ZNF410: variants seen among roughly 807,000 people sequenced by gnomAD.
ZNF410 encodes the protein zinc finger protein 410, also known as another partner for ARF 1.
Under a neutral mutation model 54.8 loss-of-function variants are expected in ZNF410, and 18 were observed. The observed-to-expected ratio is 0.33, with a 90% CI of 0.23 to 0.49. The LOEUF (loss-of-function observed/expected upper bound fraction) is 0.49. Among genes scored for constraint, ZNF410 ranks in the 20% least tolerant of loss-of-function variants. The pLI is 0.99. For synonymous variants in ZNF410, 191 were observed against 207.3 expected, an observed-to-expected ratio of 0.92 and a Z score of 0.68; for missense variants, 405 against 569.6, an observed-to-expected ratio of 0.71 and a Z score of 2.94.
intron 1 of ZNF410, among the ~76,000 whole-genome samples, chr14:73,889,409 G>T (rs11623234): frequency 7.0e-6 from 1 of 143,122 alleles, no homozygotes; most frequent in Non-Finnish European, 1.5e-5. Context: ...TCCAGCCTGC[G>T]TGACAGAGCG....
At position 73,895,905 on chromosome 14, in the gene ZNF410, A is replaced by C. The variant is rs1566651903; in HGVS notation, c.170-411A>C. On this transcript the variant is annotated intron_variant, in intron 3 of 11. Coordinates refer to ENST00000555044, the MANE Select transcript of ZNF410 (RefSeq NM_021188.3). ...AAAAACTGCAATAGCTTTTGCACCA[A>C]CCTAATACAAAAGTTAAGGAGAGGG... is the stretch of plus-strand genomic sequence containing the variant. Among the ~76,000 whole-genome samples, 4 of 152,252 alleles carry C rather than the reference A, an allele frequency of 2.6e-5. No individual in the cohort carries two copies. In the East Asian group the frequency reaches 7.7e-4, roughly 29 times the overall value.
At chr14:73,894,781 C>T (rs569075169) in intron 3 of ZNF410, among the ~76,000 whole-genome samples, 1 of 152,064 alleles carries the variant, frequency 6.6e-6, no homozygotes, top group East Asian at 1.9e-4. Context: ...AAAGAGAAGG[C>T]GGTAAGATAG....
intron 8 of ZNF410, 66 bp downstream of exon 8, chr14:73,909,496 G>T: frequency 7.3e-7 from 1 of 1,361,034 alleles, no homozygotes. Flanking sequence ...GGGTTGTGGG[G>T]GTGATATAAA....
intron 1 of ZNF410, among the ~76,000 whole-genome samples, chr14:73,889,863 CTCGGCTCACTGCAATCTCCATCTCCTAGG>C (rs2055200341): frequency 6.7e-6 from 1 of 149,746 alleles, no homozygotes; most frequent in Non-Finnish European, 1.5e-5. Flanking sequence ...GTGGAGCGAT[CTCGGCTCACTGCAATCTCCATCTCCTAGG>C]TCCAAGCGAT....
At chr14:73,923,993 C>T (rs2140326878) in intron 11 of ZNF410, among the ~76,000 whole-genome samples, 1 of 152,110 alleles carries the variant, frequency 6.6e-6, no homozygotes, top group Middle Eastern at 3.4e-3. Context: ...GAAAAAGTCC[C>T]TCAGCAAAAA....
At chr14:73,896,602 C>A (rs2302138) in intron 4 of ZNF410, 68 bp downstream of exon 4, 168,579 of 1,189,494 alleles carry the variant, frequency 0.14, 17,623 homozygotes, top group East Asian at 0.51. Context: ...GCATATTTAA[C>A]TTAGTCATAC....
At chr14:73,909,659 C>T (rs1051014891) in intron 8 of ZNF410, 4 of 425,668 alleles carry the variant, frequency 9.4e-6, no homozygotes, top group African/African-American at 6.0e-5. Context: ...ATAAAGCCTT[C>T]TTTTGAAGAG....
At chr14:73,930,087 A>G (rs746493014) in intron 11 of ZNF410, among the ~76,000 whole-genome samples, 2 of 152,148 alleles carry the variant, frequency 1.3e-5, no homozygotes, top group Non-Finnish European at 2.9e-5. Flanking sequence ...AGTTTTGACT[A>G]CCTCTTAGAA....
chr14:73,901,609 A>G (rs942786580), intron 5 of ZNF410, among the ~76,000 whole-genome samples: 3 of 151,806 alleles, frequency 2.0e-5, no homozygotes, highest in Non-Finnish European at 2.9e-5. Context: ...GAAAGCCCCT[A>G]CTATCACTGA....
At chr14:73,900,104 A>AGT in intron 5 of ZNF410, among the ~76,000 whole-genome samples, 1 of 137,226 alleles carries the variant, frequency 7.3e-6, no homozygotes, top group African/African-American at 2.6e-5. Flanking sequence ...GCTGAGACAG[A>AGT]ACTGCTTGAA....
chr14:73,891,781 A>G (rs2055234084), intron 1 of ZNF410: 2 of 508,564 alleles, frequency 3.9e-6, no homozygotes, highest in Admixed American at 3.9e-5. Context: ...CTTTGGACAT[A>G]GCTCTATCCA....
At chr14:73,930,906 T>C (rs2055902377) in intron 11 of ZNF410, among the ~76,000 whole-genome samples, 1 of 152,254 alleles carries the variant, frequency 6.6e-6, no homozygotes, top group African/African-American at 2.4e-5. Context: ...CAGCCTCATT[T>C]TGTTTTTATA....
intron 3 of ZNF410, 61 bp downstream of exon 3, chr14:73,893,993 G>A: frequency 1.3e-6 from 2 of 1,539,580 alleles, no homozygotes; most frequent in South Asian, 1.3e-5. Context: ...CCTACTCTAT[G>A]TTACTGGTGG....
At chr14:73,898,968 A>T (rs905109012) in intron 5 of ZNF410, among the ~76,000 whole-genome samples, 2 of 152,216 alleles carry the variant, frequency 1.3e-5, no homozygotes, top group Non-Finnish European at 2.9e-5. Context: ...CCACGGCTCT[A>T]TTCAGACCAC....
At chr14:73,911,434 A>C (rs2140312661) in intron 8 of ZNF410, among the ~76,000 whole-genome samples, 1 of 152,332 alleles carries the variant, frequency 6.6e-6, no homozygotes, top group South Asian at 2.1e-4. Context: ...AGTTATAAAC[A>C]ATCAGGGATG....
chr14:73,888,402 A>G (rs1446439588), intron 1 of ZNF410: 2 of 152,108 alleles, frequency 1.3e-5, no homozygotes, highest in Admixed American at 6.6e-5. Flanking sequence ...TCATTATACA[A>G]ATATTTAGTA....
chr14:73,919,162 C>T (rs950733092), intron 8 of ZNF410, among the ~76,000 whole-genome samples: 6 of 151,300 alleles, frequency 4.0e-5, no homozygotes, highest in Admixed American at 2.0e-4. Flanking sequence ...CCCGCCACCA[C>T]GCCTAGCTAA....
At chr14:73,887,112 G>C (rs2055152839) in intron 1 of ZNF410, 197 bp downstream of exon 1, 1 of 152,826 alleles carries the variant, frequency 6.5e-6, no homozygotes, top group Admixed American at 6.5e-5. Flanking sequence ...CCTTCCCCTC[G>C]CGGGTTTTTA....
In ZNF410 at chr14:73,931,487, T is replaced by A; in HGVS notation, c.1399-16T>A. On this transcript the variant is annotated splice_polypyrimidine_tract_variant and intron_variant, in intron 11 of 11. Coordinates refer to ENST00000555044, the MANE Select transcript of ZNF410 (RefSeq NM_021188.3). ...CAACTGTAACCTATTCTAGATTTGC[T>A]TTCAATCTTTTACAGTTACTAAACC... The A allele has an allele frequency of 6.2e-7, 1 of 1,606,462 alleles. No individual in the cohort carries two copies. The highest frequency in any genetic ancestry group is 8.5e-7 in the Non-Finnish European group (1 of 1,177,080).
Sources: gnomAD v4.1 joint callset for allele counts (sites outside exome capture counted in the v4.1 genomes callset) on GRCh38, gnomAD v4.1.1 for gene constraint, MANE v1.5 for transcripts, NCBI Gene and HGNC (gene_info 2026-07-23, HGNC 2026-07-21) for gene names.